The following SGCZ variants were observed in gnomAD, a reference collection of about 807,000 sequenced individuals.
The protein encoded by SGCZ is zeta-sarcoglycan.
A neutral mutation model predicts 41.3 loss-of-function variants in SGCZ; 40 were observed. That is an observed-to-expected ratio of 0.97 (90% CI 0.75 to 1.26). SGCZ has a LOEUF of 1.26. SGCZ is among the 50% of genes most tolerant of loss of function. The probability of loss-of-function intolerance (pLI) is 0.00; values close to 1 mark genes in which losing one functional copy is unlikely to be tolerated. For missense variants in SGCZ, 552 were observed against 369.8 expected (o/e 1.49, Z -4.04); for synonymous variants, 206 against 137.5 (o/e 1.50, Z -3.49).
At chr8:15,038,119 T>C (rs2130971250) in intron 1 of SGCZ, among the ~76,000 whole-genome samples, 1 of 152,128 alleles carries the variant, frequency 6.6e-6, no homozygotes, top group African/African-American at 2.4e-5. Flanking sequence ...AAAATTTATA[T>C]GGAATCACAA....
chr8:14,510,969 A>G (rs1414387464), intron 2 of SGCZ, among the ~76,000 whole-genome samples: 3 of 151,948 alleles, frequency 2.0e-5, no homozygotes, highest in African/African-American at 7.2e-5. Flanking sequence ...CTGGTACCCA[A>G]CTCTAAGTTG....
At chr8:14,511,060 T>G (rs909086674) in intron 2 of SGCZ, among the ~76,000 whole-genome samples, 9 of 152,048 alleles carry the variant, frequency 5.9e-5, no homozygotes, top group African/African-American at 2.2e-4. Flanking sequence ...CACAGATGGT[T>G]ACCCAAATCA....
intron 4 of SGCZ, among the ~76,000 whole-genome samples, chr8:14,212,973 G>A (rs937842213): frequency 1.3e-5 from 2 of 151,986 alleles, no homozygotes; most frequent in South Asian, 4.1e-4. Flanking sequence ...AATAACAGGA[G>A]ATGTAATCAA....
At chr8:14,876,539 A>G (rs1030097505) in intron 1 of SGCZ, among the ~76,000 whole-genome samples, 10 of 152,180 alleles carry the variant, frequency 6.6e-5, no homozygotes, top group Admixed American at 3.3e-4. Flanking sequence ...TGACTATACT[A>G]AAAACAACTG....
At chr8:15,210,290 G>C (rs573085043) in intron 1 of SGCZ, among the ~76,000 whole-genome samples, 5 of 152,044 alleles carry the variant, frequency 3.3e-5, no homozygotes, top group Admixed American at 6.6e-5. Flanking sequence ...GTTATTTTCA[G>C]CCAAAAACAC....
chr8:14,123,022 G>T (rs973784615), intron 5 of SGCZ, among the ~76,000 whole-genome samples: 6 of 152,158 alleles, frequency 3.9e-5, no homozygotes, highest in African/African-American at 9.7e-5. Flanking sequence ...AGATAAATCA[G>T]ACTGTCCTGA....
chr8:14,547,724 G>A lies in SGCZ; in HGVS notation c.234+7008C>T, dbSNP rs141463266. ...CAGATGAAGCACCGAAGCCAGAGAA[G>A]TTCAGTAATCAGCACAAGGTAACCC... On this transcript the variant is annotated intron_variant, in intron 2 of 7. Coordinates refer to ENST00000382080, the MANE Select transcript of SGCZ (RefSeq NM_139167.4). 2.8e-3 allele frequency among the ~76,000 whole-genome samples: 430 copies of A among 152,246 alleles called. 5 individuals are homozygous for A. The highest frequency in any genetic ancestry group is 9.4e-3 in the African/African-American group (389 of 41,544).
intron 4 of SGCZ, among the ~76,000 whole-genome samples, chr8:14,196,680 A>G (rs1585221549): frequency 1.3e-5 from 2 of 152,186 alleles, no homozygotes; most frequent in Admixed American, 1.3e-4. Context: ...TAGTAAATGT[A>G]TGCAATGGAA....
intron 2 of SGCZ, among the ~76,000 whole-genome samples, chr8:14,550,689 A>G (rs1043866055): frequency 1.3e-5 from 2 of 151,982 alleles, no homozygotes; most frequent in African/African-American, 4.8e-5. Flanking sequence ...TTAACCAGCA[A>G]TAGGAGACCT....
chr8:14,849,434 G>A (rs1466212463), intron 1 of SGCZ, among the ~76,000 whole-genome samples: 1 of 151,612 alleles, frequency 6.6e-6, no homozygotes, highest in African/African-American at 2.4e-5. Context: ...AACAACAGGT[G>A]AATAGATTCC....
chr8:14,248,842 G>A (rs1314534036), intron 3 of SGCZ, among the ~76,000 whole-genome samples: 1 of 151,840 alleles, frequency 6.6e-6, no homozygotes, highest in African/African-American at 2.4e-5. Context: ...GACTTTATGT[G>A]CATGTATGCT....
At chr8:14,343,729 T>C (rs1201605759) in intron 2 of SGCZ, among the ~76,000 whole-genome samples, 1 of 152,094 alleles carries the variant, frequency 6.6e-6, no homozygotes, top group African/African-American at 2.4e-5. Flanking sequence ...TGAATCACAG[T>C]GTCATGTCAT....
At chr8:14,946,820 C>T (rs908078474) in intron 1 of SGCZ, among the ~76,000 whole-genome samples, 1 of 151,874 alleles carries the variant, frequency 6.6e-6, no homozygotes, top group Non-Finnish European at 1.5e-5. Context: ...GACCTACAGG[C>T]ACCCACCACC....
In SGCZ at chr8:14,750,200, A is replaced by G. The variant is rs149794225; in HGVS notation, c.40-195274T>C. Among the ~76,000 whole-genome samples, 68 of 152,086 alleles carry G rather than the reference A, an allele frequency of 4.5e-4. No homozygotes were observed. The East Asian group carries it at 0.011, about 25-fold the overall frequency. On this transcript the variant is annotated intron_variant, in intron 1 of 7. Transcript: ENST00000382080. ...GTGGGGAAGAAACATAAGCAGATGG[A>G]AACAAGATAAGCTAAAGAGATTACT...
In SGCZ at chr8:14,283,365, C is replaced by G. The variant is rs73523308; in HGVS notation, c.336+40738G>C. 4.5e-3 allele frequency among the ~76,000 whole-genome samples: 688 copies of G among 152,294 alleles called. 8 individuals are homozygous for G. The highest frequency in any genetic ancestry group is 0.016 in the African/African-American group (649 of 41,580). ...CTGTCGCAACTTTCTCAGCATATTA[C>G]TACACGTCCTCTGTAAGAGAATGCA... On this transcript the variant is annotated intron_variant, in intron 3 of 7. Coordinates refer to ENST00000382080, the MANE Select transcript of SGCZ (RefSeq NM_139167.4).
chr8:14,307,632 T>G (rs2116988528), intron 3 of SGCZ, among the ~76,000 whole-genome samples: 1 of 152,274 alleles, frequency 6.6e-6, no homozygotes, highest in East Asian at 1.9e-4. Context: ...GGTATAAGAA[T>G]TTTGAAAACA....
chr8:15,005,328 CTTTTTT>C (rs10603664), intron 1 of SGCZ, among the ~76,000 whole-genome samples: 1 of 78,726 alleles, frequency 1.3e-5, no homozygotes, highest in Non-Finnish European at 2.5e-5. Context: ...TTTTCTTTTT[CTTTTTT>C]TTTTTTTTTT....
At chr8:14,191,815 G>C (rs1408296691) in intron 4 of SGCZ, among the ~76,000 whole-genome samples, 1 of 152,066 alleles carries the variant, frequency 6.6e-6, no homozygotes, top group Non-Finnish European at 1.5e-5. Flanking sequence ...CAGAGTCAAA[G>C]TTCATGTGCT....
Position 15,235,769 on chromosome 8 carries a change from T to G in SGCZ, c.39+1816A>C, listed in dbSNP as rs563174573. On this transcript the variant is annotated intron_variant, in intron 1 of 7. Coordinates refer to ENST00000382080, the MANE Select transcript of SGCZ (RefSeq NM_139167.4). ...CCCCAAATCATTTCTCCCTTCCATT[T>G]CTCTTAACAGAACGCTCTCTTCTGT... Among the ~76,000 whole-genome samples, 5 of 152,236 alleles carry G rather than the reference T, an allele frequency of 3.3e-5. No homozygotes were observed. In the East Asian group the frequency reaches 9.7e-4, roughly 29 times the overall value.
Sources: allele counts gnomAD v4.1 joint callset (sites outside exome capture counted in the v4.1 genomes callset), GRCh38; gene constraint gnomAD v4.1.1; transcripts MANE v1.5; gene names NCBI Gene and HGNC (gene_info 2026-07-23, HGNC 2026-07-21).